SRD5A2: variants seen among roughly 807,000 people sequenced by gnomAD.
SRD5A2 encodes the protein 3-oxo-5-alpha-steroid 4-dehydrogenase 2.
In SRD5A2, 30 loss-of-function variants were observed where a neutral mutation model predicts 27.4. The observed-to-expected ratio is 1.10, with a 90% CI of 0.82 to 1.49. The LOEUF (loss-of-function observed/expected upper bound fraction) is 1.49. SRD5A2 is among the 40% of genes most tolerant of loss of function. SRD5A2 has a pLI of 0.00. For missense variants in SRD5A2, 348 were observed against 323.4 expected (o/e 1.08, Z -0.58); for synonymous variants, 141 against 133.6 (o/e 1.06, Z -0.38).
chr2:31,572,612 C>T (rs1666874754), intron 1 of SRD5A2, among the ~76,000 whole-genome samples: 1 of 152,144 alleles, frequency 6.6e-6, no homozygotes, highest in South Asian at 2.1e-4. Flanking sequence ...CAACCCAATA[C>T]ACTAGAACTT....
At chr2:31,582,507 T>C (rs1667100173), upstream of SRD5A2, among the ~76,000 whole-genome samples, 1 of 152,202 alleles carries the variant, frequency 6.6e-6, no homozygotes, top group African/African-American at 2.4e-5. Flanking sequence ...GCATTTTTCA[T>C]GGAAAAGCCA....
At chr2:31,630,053 C>T in the SRD5A2 span, among the ~76,000 whole-genome samples, 1 of 152,162 alleles carries the variant, frequency 6.6e-6, no homozygotes, top group African/African-American at 2.4e-5. Context: ...GGGACCCATT[C>T]CCCACCACCC....
chr2:31,628,721 T>C, the SRD5A2 span, among the ~76,000 whole-genome samples: 140 of 152,326 alleles, frequency 9.2e-4, 1 homozygote, highest in African/African-American at 3.2e-3. Context: ...CCTTTACTTA[T>C]GAAGCTTAGT....
chr2:31,530,465 T>C (rs928191026), intron 3 of SRD5A2, among the ~76,000 whole-genome samples: 5 of 152,196 alleles, frequency 3.3e-5, no homozygotes, highest in African/African-American at 1.2e-4. Context: ...CTATAAATTT[T>C]CTATGAAGAC....
At chr2:31,595,306 A>G in the SRD5A2 span, among the ~76,000 whole-genome samples, 1 of 152,204 alleles carries the variant, frequency 6.6e-6, no homozygotes, top group Non-Finnish European at 1.5e-5. Flanking sequence ...ATAGACCATT[A>G]GTGAAATTAA....
the SRD5A2 span, among the ~76,000 whole-genome samples, chr2:31,628,636 C>CAAGGA: frequency 6.6e-6 from 1 of 152,108 alleles, no homozygotes; most frequent in Non-Finnish European, 1.5e-5. Flanking sequence ...ATTTAGCACT[C>CAAGGA]CCTTCAGGAC....
chr2:31,570,511 G>A (rs554458182), intron 1 of SRD5A2, among the ~76,000 whole-genome samples: 4 of 152,218 alleles, frequency 2.6e-5, no homozygotes, highest in South Asian at 2.1e-4. Flanking sequence ...ACATAGTACT[G>A]GAAATCCTGG....
chr2:31,636,455 A>T, the SRD5A2 span, among the ~76,000 whole-genome samples: 1 of 152,146 alleles, frequency 6.6e-6, no homozygotes, highest in South Asian at 2.1e-4. Flanking sequence ...CTTTTAATAA[A>T]AGATGCCCTT....
the SRD5A2 span, among the ~76,000 whole-genome samples, chr2:31,648,573 T>C: frequency 6.6e-6 from 1 of 152,210 alleles, no homozygotes; most frequent in African/African-American, 2.4e-5. Context: ...CAATATGTGA[T>C]TTCTTCTTAA....
At chr2:31,624,244 T>C in the SRD5A2 span, among the ~76,000 whole-genome samples, 1 of 152,072 alleles carries the variant, frequency 6.6e-6, no homozygotes, top group Non-Finnish European at 1.5e-5. Context: ...CCAATTATAC[T>C]CTTTTAGTTA....
At chr2:31,582,795 C>A (rs1182763494), upstream of SRD5A2, among the ~76,000 whole-genome samples, 6 of 152,184 alleles carry the variant, frequency 3.9e-5, no homozygotes, top group African/African-American at 1.2e-4. Context: ...CTGAGTGTTA[C>A]CTCTTCCCTG....
chr2:31,540,723 C>G (rs1388581839), intron 1 of SRD5A2, among the ~76,000 whole-genome samples: 1 of 152,196 alleles, frequency 6.6e-6, no homozygotes, highest in Non-Finnish European at 1.5e-5. Flanking sequence ...GATTTCAGCT[C>G]AGTCAATTTT....
the SRD5A2 span, among the ~76,000 whole-genome samples, chr2:31,601,275 A>G: frequency 3.3e-5 from 5 of 152,150 alleles, no homozygotes; most frequent in Non-Finnish European, 5.9e-5. Flanking sequence ...CAACCATCAG[A>G]GAATACTATA....
chr2:31,554,131 C>A (rs1666443433), intron 1 of SRD5A2, among the ~76,000 whole-genome samples: 1 of 152,038 alleles, frequency 6.6e-6, no homozygotes, highest in Admixed American at 6.6e-5. Context: ...AACCTACGGC[C>A]AACAGTCTTT....
the SRD5A2 span, among the ~76,000 whole-genome samples, chr2:31,606,605 T>G: frequency 6.6e-6 from 1 of 151,870 alleles, no homozygotes; most frequent in Admixed American, 6.6e-5. Flanking sequence ...CTTCAGTGTC[T>G]AGCATTTTTA....
At chr2:31,537,724 C>A (rs1666054818) in intron 1 of SRD5A2, among the ~76,000 whole-genome samples, 1 of 152,018 alleles carries the variant, frequency 6.6e-6, no homozygotes, top group Non-Finnish European at 1.5e-5. Context: ...GAATGTGTTC[C>A]CCAAAATTTG....
chr2:31,632,350 T>C, the SRD5A2 span, among the ~76,000 whole-genome samples: 1 of 152,170 alleles, frequency 6.6e-6, no homozygotes, highest in East Asian at 1.9e-4. Flanking sequence ...CAGTGCAGTC[T>C]ACAAAGACAC....
chr2:31,561,166 T>G (rs1175996834), intron 1 of SRD5A2, among the ~76,000 whole-genome samples: 1 of 152,092 alleles, frequency 6.6e-6, no homozygotes, highest in Non-Finnish European at 1.5e-5. Context: ...CAATGAGATT[T>G]GTAAAAGAGC....
rs61750389 is a variant in SRD5A2, at chr2:31,580,643, G to C, written c.258C>G (p.Leu86=). The change falls in exon 1 of 5, where the codon CTC becomes CTG. Residue 86 remains leucine, a synonymous_variant. Coordinates refer to ENST00000622030, the MANE Select transcript of SRD5A2 (RefSeq NM_000348.4). ...ACCTGTGGAAGTAATGTAGGCAGAAGAGGCCCAGAAGTACCGTCCCAGGTG... is the reference window on the plus strand; with the variant it reads ...ACCTGTGGAAGTAATGTAGGCAGAACAGGCCCAGAAGTACCGTCCCAGGTG... ...FGPPGTVLLG[L]FCLHYFHRTF... The C allele has an allele frequency of 6.3e-7, 1 of 1,583,930 alleles. No homozygotes were observed.
Sources: allele counts gnomAD v4.1 joint callset (sites outside exome capture counted in the v4.1 genomes callset), GRCh38; gene constraint gnomAD v4.1.1; transcripts MANE v1.5; gene names NCBI Gene and HGNC (gene_info 2026-07-23, HGNC 2026-07-21).